Variants in RBKS observed in about 807,000 individuals in gnomAD.
RBKS encodes ribokinase.
In RBKS, 33 loss-of-function variants were observed where a neutral mutation model predicts 33.9. The ratio of observed to expected loss-of-function variants is 0.97; its 90% CI spans 0.74 to 1.30. The LOEUF is 1.30. RBKS is among the 50% of genes most tolerant of loss of function. The pLI, the probability that RBKS is intolerant of heterozygous loss-of-function variation, is 0.00. For synonymous variants in RBKS, 125 were observed against 143.0 expected (o/e 0.87, Z 0.90); for missense variants, 361 against 392.6 (o/e 0.92, Z 0.68).
chr2:27,847,164 T>G, intron 3 of RBKS, 60 bp from the exon 4 acceptor site: 1 of 998,066 alleles, frequency 1.0e-6, no homozygotes, highest in Non-Finnish European at 1.6e-6. Context: ...TAATTTATTT[T>G]AACAATTTCA....
intron 1 of RBKS, among the ~76,000 whole-genome samples, chr2:27,859,438 T>C (rs796580777): frequency 1.8e-4 from 27 of 152,300 alleles, no homozygotes; most frequent in African/African-American, 5.3e-4. Flanking sequence ...CTAATGATGA[T>C]AGTATTAAGT....
intron 1 of RBKS, chr2:27,861,539 T>G (rs1172686604): frequency 2.1e-6 from 1 of 471,016 alleles, no homozygotes; most frequent in East Asian, 6.9e-5. Context: ...TGTGTCCTGA[T>G]GTATCTCCTA....
At chr2:27,861,663 TGG>T in intron 1 of RBKS, 2 of 307,186 alleles carry the variant, frequency 6.5e-6, no homozygotes, top group Non-Finnish European at 1.3e-5. Context: ...CATTTCTTTT[TGG>T]GGGGGGGGTG....
chr2:27,841,531 T>C (rs572478380), intron 5 of RBKS, among the ~76,000 whole-genome samples: 1 of 152,302 alleles, frequency 6.6e-6, no homozygotes, highest in East Asian at 1.9e-4. Flanking sequence ...GGCTTAGAAT[T>C]CTTTCTGACA....
chr2:27,885,880 A>G (rs66463479), intron 1 of RBKS, among the ~76,000 whole-genome samples: 12,647 of 152,284 alleles, frequency 0.083, 840 homozygotes, highest in African/African-American at 0.18. Flanking sequence ...TAATTAAAAA[A>G]ATGGGTGATA....
chr2:27,887,498 A>G (rs1029867328), intron 1 of RBKS, among the ~76,000 whole-genome samples: 1 of 152,212 alleles, frequency 6.6e-6, no homozygotes, highest in African/African-American at 2.4e-5. Flanking sequence ...GAAAAGTTGC[A>G]CCCAAGTTTA....
chr2:27,783,168 C>T (rs1302333792), intron 7 of RBKS, among the ~76,000 whole-genome samples: 1 of 152,082 alleles, frequency 6.6e-6, no homozygotes, highest in South Asian at 2.1e-4. Context: ...GGGGGCCGGG[C>T]GTGGTGGCTC....
intron 4 of RBKS, among the ~76,000 whole-genome samples, 188 bp downstream of exon 4, chr2:27,846,854 C>T (rs940544348): frequency 2.6e-5 from 4 of 152,024 alleles, no homozygotes; most frequent in East Asian, 1.9e-4. Context: ...TTTATCTGAA[C>T]GATCCATGTG....
In RBKS at chr2:27,797,243, A is replaced by T. The variant is rs72853245; in HGVS notation, c.796-15455T>A. On this transcript the variant is annotated intron_variant, in intron 7 of 7. Coordinates refer to ENST00000302188, the MANE Select transcript of RBKS (RefSeq NM_022128.3). Reference sequence around the variant, plus strand: ...GCGGTGTGCGATTAGGCAAAGTGGCATTGCGCAAGGGTGCCCAGCTGAGGG... The same window carrying T: ...GCGGTGTGCGATTAGGCAAAGTGGCTTTGCGCAAGGGTGCCCAGCTGAGGG... 7.3e-3 allele frequency among the ~76,000 whole-genome samples: 1,105 copies of T among 152,294 alleles called. 14 individuals carry two copies. Among genetic ancestry groups the T allele is most frequent in the African/African-American group, 0.025 (1,045 of 41,558 alleles).
At position 27,890,189 on chromosome 2, in the gene RBKS, C is replaced by T. The variant is rs973615092; in HGVS notation, c.89+68G>A. On this transcript the variant is annotated intron_variant, in intron 1 of 7. Transcript: ENST00000302188. The surrounding 1 kb of genome is among the most constrained non-coding windows in gnomAD (Gnocchi z 4.8). ...GGAGACCCAGCGCCCAAAAGCTCCA[C>T]TGGGCGCATAGCGCACGGCACGCCT... 1 of 1,488,234 alleles carries T rather than the reference C, an allele frequency of 6.7e-7. No individual in the cohort carries two copies. Among genetic ancestry groups the T allele is most frequent in the Admixed American group, 1.7e-5 (1 of 58,306 alleles). The allele number at this position is 1,488,234 out of a possible 1,614,324, so 92.2% of individuals were successfully genotyped here. A position where few individuals can be genotyped will look rare whatever the true frequency, so the allele number is the denominator to read the frequency against.
At chr2:27,800,688 C>G (rs1055222705) in intron 7 of RBKS, among the ~76,000 whole-genome samples, 2 of 152,116 alleles carry the variant, frequency 1.3e-5, no homozygotes, top group African/African-American at 4.8e-5. Flanking sequence ...TCCTAGGGCA[C>G]AATCCATAGG....
intron 7 of RBKS, among the ~76,000 whole-genome samples, chr2:27,789,986 T>TAGAGAGAG (rs368946256): frequency 1.3e-4 from 17 of 130,930 alleles, no homozygotes; most frequent in East Asian, 8.8e-4. Flanking sequence ...TATATATATG[T>TAGAGAGAG]AGAGAGAGAG....
chr2:27,832,513 C>T (rs946932931), intron 6 of RBKS, among the ~76,000 whole-genome samples, 173 bp downstream of exon 6: 7 of 151,956 alleles, frequency 4.6e-5, no homozygotes, highest in Non-Finnish European at 7.4e-5. Flanking sequence ...TTTTTCCCCC[C>T]TAGGATTTAC....
chr2:27,885,037 T>C (rs1290082623), intron 1 of RBKS, among the ~76,000 whole-genome samples: 1 of 152,070 alleles, frequency 6.6e-6, no homozygotes, highest in Non-Finnish European at 1.5e-5. Flanking sequence ...TCCAAACTCT[T>C]GTATCTATTT....
At chr2:27,830,779 C>T (rs916800528) in intron 6 of RBKS, among the ~76,000 whole-genome samples, 1 of 152,156 alleles carries the variant, frequency 6.6e-6, no homozygotes, top group Admixed American at 6.5e-5. Context: ...CAATGACAAT[C>T]TTCTAGTAAG....
chr2:27,839,991 T>C (rs1404000163), intron 5 of RBKS, among the ~76,000 whole-genome samples: 1 of 151,730 alleles, frequency 6.6e-6, no homozygotes, highest in Non-Finnish European at 1.5e-5. Context: ...CCCAAACCAA[T>C]GGTCTCCTTT....
chr2:27,858,989 GC>G (rs1663918627), intron 1 of RBKS, among the ~76,000 whole-genome samples: 1 of 152,182 alleles, frequency 6.6e-6, no homozygotes, highest in Admixed American at 6.5e-5. Context: ...AAACCAAGAA[GC>G]AGGAAGTGTT....
chr2:27,851,494 T>G (rs1039060855), intron 2 of RBKS, among the ~76,000 whole-genome samples: 8 of 152,166 alleles, frequency 5.3e-5, no homozygotes, highest in African/African-American at 1.7e-4. Context: ...TCATTTTCCT[T>G]GGACCCATCT....
chr2:27,781,681 A>G lies in RBKS; in HGVS notation c.903T>C (p.Ser301=), dbSNP rs1170897433. 2.5e-6 allele frequency: 4 copies of G among 1,613,886 alleles called. No individual in the cohort carries two copies. The highest frequency in any genetic ancestry group is 1.6e-4 in the Middle Eastern group (1 of 6,084). The change falls in exon 8 of 8, where the codon AGT becomes AGC. Residue 301 remains serine, a synonymous_variant. Transcript: ENST00000302188. ...LNRSNFIAAV[S]VQAAGTQSSY... ...ATGACTGTGTTCCTGCAGCCTGGACACTGACTGCTGCAATGAAATTGGATC... is the reference window on the plus strand; with the variant it reads ...ATGACTGTGTTCCTGCAGCCTGGACGCTGACTGCTGCAATGAAATTGGATC...
Sources: allele counts gnomAD v4.1 joint callset (sites outside exome capture counted in the v4.1 genomes callset), GRCh38; gene constraint gnomAD v4.1.1; non-coding constraint Gnocchi (gnomAD v3.1); transcripts MANE v1.5; gene names NCBI Gene and HGNC (gene_info 2026-07-23, HGNC 2026-07-21).